The following PHYHIP variants were observed in gnomAD, a reference collection of about 807,000 sequenced individuals.
The protein encoded by PHYHIP is phytanoyl-CoA 2-hydroxylase interacting protein, also known as phytanoyl-CoA hydroxylase-interacting protein.
In PHYHIP, 7 loss-of-function variants were observed where a neutral mutation model predicts 26.1. That is an observed-to-expected ratio of 0.27 (90% CI 0.15 to 0.50). PHYHIP has a LOEUF of 0.50. Ranked by LOEUF, PHYHIP falls within the 20% of genes least tolerant of loss-of-function variation. PHYHIP has a pLI of 0.98. For missense variants in PHYHIP, 232 were observed against 454.7 expected, an observed-to-expected ratio of 0.51 and a Z score of 4.45; for synonymous variants, 206 against 183.4, an observed-to-expected ratio of 1.12 and a Z score of -1.00.
Position 22,228,194 on chromosome 8 carries a change from C to T in PHYHIP, c.164G>A (p.Arg55Gln), listed in dbSNP as rs1283632562. ...GCTCCCAGGACACCTTCTACTCACC[C>T]GGTGCTTGAACTTGTTGGAATTCTT... ...ENKNSNKFKH[R>Q]DVPTKLVAKA... Residue 55 changes from arginine to glutamine, a missense_variant and splice_region_variant, in exon 2 of 5, where the codon CGG becomes CAG. Transcript: ENST00000454243. The T allele has an allele frequency of 1.9e-6, 3 of 1,613,772 alleles. No individual in the cohort carries two copies. Among genetic ancestry groups the T allele is most frequent in the Admixed American group, 1.7e-5 (1 of 60,010 alleles).
At chr8:22,229,141 T>C (rs1054484325) in intron 1 of PHYHIP, among the ~76,000 whole-genome samples, 2 of 152,180 alleles carry the variant, frequency 1.3e-5, no homozygotes, top group Non-Finnish European at 2.9e-5. Flanking sequence ...ACCTTGGAAG[T>C]AGGCACACAC....
At chr8:22,224,757 G>A (rs1163683126) in intron 3 of PHYHIP, among the ~76,000 whole-genome samples, 1 of 152,156 alleles carries the variant, frequency 6.6e-6, no homozygotes, top group African/African-American at 2.4e-5. Flanking sequence ...AAATACAGTA[G>A]ATAGGAGGCT....
At chr8:22,227,806 C>T (rs1442051232) in intron 2 of PHYHIP, 19 of 440,370 alleles carry the variant, frequency 4.3e-5, no homozygotes, top group Admixed American at 2.0e-4. Flanking sequence ...TGCCCTGAGC[C>T]GGGGCTTTGT....
intron 4 of PHYHIP, 29 bp downstream of exon 4, chr8:22,224,197 C>A (rs199929667): frequency 7.5e-7 from 1 of 1,341,706 alleles, no homozygotes; most frequent in South Asian, 1.2e-5. Context: ...AGAGGCCCGG[C>A]GGGTCCAGCC....
chr8:22,229,719 TC>T (rs1270217733), intron 1 of PHYHIP, among the ~76,000 whole-genome samples: 10 of 152,166 alleles, frequency 6.6e-5, no homozygotes, highest in African/African-American at 2.4e-4. Flanking sequence ...CTCTTCTTTC[TC>T]CCCTCTTTTT....
rs1010818756 is a variant in PHYHIP, at chr8:22,221,971, G to A, written c.459-84C>T. On this transcript the variant is annotated intron_variant, in intron 4 of 4. Transcript: ENST00000454243. The surrounding 1 kb of genome is among the most constrained non-coding windows in gnomAD (Gnocchi z 7.9). ...TGAGGCTTGGCTGCTGCGTGTGGTC[G>A]AGGAGGGAGGAAGCCAGCCCAGCTC... is the stretch of plus-strand genomic sequence containing the variant. 175 of 1,226,662 alleles carry A rather than the reference G, an allele frequency of 1.4e-4. No homozygotes were observed. Among genetic ancestry groups the A allele is most frequent in the Non-Finnish European group, 1.8e-4 (162 of 906,554 alleles). 76.0% of individuals were successfully genotyped at this position (1,226,662 alleles called of 1,614,324 possible).
intron 1 of PHYHIP, 173 bp from the exon 2 acceptor site, chr8:22,228,559 T>A (rs1586494209): frequency 7.6e-6 from 4 of 523,474 alleles, no homozygotes; most frequent in Non-Finnish European, 1.4e-5. Context: ...TGATGGAGGG[T>A]GGAAAGGGGT....
chr8:22,231,007 A>G (rs1207478843), intron 1 of PHYHIP, among the ~76,000 whole-genome samples: 1 of 152,188 alleles, frequency 6.6e-6, no homozygotes, highest in South Asian at 2.1e-4. Flanking sequence ...CCCCGCCCGA[A>G]GTCTGGTATT....
chr8:22,224,681 G>A (rs1477821715), intron 3 of PHYHIP, among the ~76,000 whole-genome samples: 1 of 152,202 alleles, frequency 6.6e-6, no homozygotes, highest in Non-Finnish European at 1.5e-5. Flanking sequence ...CATGTGAAAA[G>A]AGGACCCCTG....
chr8:22,227,746 CTCCG>C, intron 2 of PHYHIP: 1 of 457,628 alleles, frequency 2.2e-6, no homozygotes, highest in South Asian at 1.5e-5. Context: ...AGCAAAAGGG[CTCCG>C]CCCCGACCGA....
At chr8:22,225,323 A>T (rs1340869727) in intron 3 of PHYHIP, among the ~76,000 whole-genome samples, 1 of 152,094 alleles carries the variant, frequency 6.6e-6, no homozygotes, top group Non-Finnish European at 1.5e-5. Flanking sequence ...AAAAAATATC[A>T]AAAATTAGCC....
At chr8:22,231,452 C>T (rs1563306140) in intron 1 of PHYHIP, among the ~76,000 whole-genome samples, 1 of 152,244 alleles carries the variant, frequency 6.6e-6, no homozygotes. Context: ...CTCCAGCCAA[C>T]TCGCGAGCGC....
chr8:22,227,615 C>G (rs753673041), intron 2 of PHYHIP: 2 of 456,364 alleles, frequency 4.4e-6, no homozygotes, highest in African/African-American at 2.0e-5. Flanking sequence ...CACCCACCCC[C>G]ACACTGGCTT....
At chr8:22,223,581 G>C (rs1379581474) in intron 4 of PHYHIP, among the ~76,000 whole-genome samples, 1 of 152,132 alleles carries the variant, frequency 6.6e-6, no homozygotes, top group Non-Finnish European at 1.5e-5. Context: ...GTAGGCTGAG[G>C]GTGTTGGATC....
chr8:22,226,945 C>T lies in PHYHIP; in HGVS notation c.246G>A (p.Thr82=), dbSNP rs376632970. The change falls in exon 3 of 5, where the codon ACG becomes ACA. Residue 82 remains threonine, a synonymous_variant. Coordinates refer to ENST00000454243, the MANE Select transcript of PHYHIP (RefSeq NM_014759.5). ...CCGTCTGCACGGCCACACTGTACTC[C>T]GTGCGGGGGCTCAGGAACCAGTGGC... ...VRGHWFLSPR[T]EYSVAVQTAV... is the part of the protein sequence containing the mutation. 4.3e-5 allele frequency: 70 copies of T among 1,614,100 alleles called. No homozygotes were observed. In the African/African-American group the frequency reaches 4.4e-4, roughly 10 times the overall value.
chr8:22,220,567 C>G lies in PHYHIP; in HGVS notation c.*786G>C, dbSNP rs1424065349. 4 of 152,498 alleles carry G rather than the reference C, an allele frequency of 2.6e-5. No individual in the cohort carries two copies. The highest frequency in any genetic ancestry group is 1.9e-4 in the East Asian group (1 of 5,198). 9.4% of individuals were successfully genotyped at this position (152,498 alleles called of 1,614,324 possible). On this transcript the variant is annotated 3_prime_UTR_variant, in exon 5 of 5. Coordinates refer to ENST00000454243, the MANE Select transcript of PHYHIP (RefSeq NM_014759.5). Reference sequence around the variant, plus strand: ...CTCTGGGTCTCAGGGGTCTCCTCCCCCTCCTCAACCCCAGTGGCTGCTGTC... The same window carrying G: ...CTCTGGGTCTCAGGGGTCTCCTCCCGCTCCTCAACCCCAGTGGCTGCTGTC...
rs181279430 is a variant in PHYHIP at position 22,225,794 on chromosome 8, C to T, written c.340+1057G>A. 9.6e-3 allele frequency among the ~76,000 whole-genome samples: 1,371 copies of T among 142,626 alleles called. 13 individuals carry two copies. Among genetic ancestry groups the T allele is most frequent in the African/African-American group, 0.034 (1,310 of 38,006 alleles). 93.6% of individuals were successfully genotyped at this position (142,626 alleles called of 152,430 possible). ...CACTCCAGCCAGGAGGCGACAAGAGCGAGATTCCATCTCAAAAAAAAAAAA... is the reference window on the plus strand; with the variant it reads ...CACTCCAGCCAGGAGGCGACAAGAGTGAGATTCCATCTCAAAAAAAAAAAA... On this transcript the variant is annotated intron_variant, in intron 3 of 4. Transcript: ENST00000454243.
chr8:22,229,490 G>A (rs1829825921), intron 1 of PHYHIP, among the ~76,000 whole-genome samples: 1 of 152,164 alleles, frequency 6.6e-6, no homozygotes, highest in Admixed American at 6.5e-5. Context: ...TCACTCTCAT[G>A]TGTGCTTTAG....
At position 22,221,482 on chromosome 8, in the gene PHYHIP, G is replaced by A. The variant is rs372059711; in HGVS notation, c.864C>T (p.Tyr288=). ...HAQDLILEII[Y]TEPVDLSLGT... is the part of the protein sequence containing the mutation. Reference sequence around the variant, plus strand: ...CCAGGGACAGGTCGACGGGCTCAGTGTAGATGATCTCCAGGATGAGGTCCT... The same window carrying A: ...CCAGGGACAGGTCGACGGGCTCAGTATAGATGATCTCCAGGATGAGGTCCT... Residue 288 remains tyrosine, a synonymous_variant, in exon 5 of 5, where the codon TAC becomes TAT. Coordinates refer to ENST00000454243, the MANE Select transcript of PHYHIP (RefSeq NM_014759.5). The surrounding 1 kb of genome is among the most constrained non-coding windows in gnomAD (Gnocchi z 7.9). 3.1e-6 allele frequency: 5 copies of A among 1,614,090 alleles called. No individual in the cohort carries two copies. The highest frequency in any genetic ancestry group is 2.7e-5 in the African/African-American group (2 of 74,926).
Sources: gnomAD v4.1 joint callset for allele counts (sites outside exome capture counted in the v4.1 genomes callset) on GRCh38, gnomAD v4.1.1 for gene constraint, Gnocchi (gnomAD v3.1) non-coding constraint, MANE v1.5 for transcripts, NCBI Gene and HGNC (gene_info 2026-07-23, HGNC 2026-07-21) for gene names.